The following GRID1 variants were observed in gnomAD, a reference collection of about 807,000 sequenced individuals.
GRID1 encodes the protein glutamate receptor ionotropic, delta-1.
In GRID1, 28 loss-of-function variants were observed where a neutral mutation model predicts 98.0. The ratio of observed to expected loss-of-function variants is 0.29; its 90% CI spans 0.21 to 0.39. GRID1 has a LOEUF of 0.39. GRID1 is among the 10% of genes least tolerant of loss of function. The pLI is 1.00. For missense variants in GRID1, 1,111 were observed against 1,340.5 expected (o/e 0.83, Z 2.67); for synonymous variants, 553 against 538.5 (o/e 1.03, Z -0.37).
intron 4 of GRID1, among the ~76,000 whole-genome samples, chr10:86,045,448 A>T (rs925826132): frequency 2.6e-5 from 4 of 152,200 alleles, no homozygotes; most frequent in African/African-American, 9.7e-5. Context: ...GACAAGCGAG[A>T]CTGCGATTTT....
intron 8 of GRID1, among the ~76,000 whole-genome samples, chr10:85,732,495 G>C (rs908933818): frequency 1.3e-5 from 2 of 152,166 alleles, no homozygotes; most frequent in Admixed American, 6.5e-5. Flanking sequence ...CTTTCTACTG[G>C]GATTATAATC....
At chr10:86,083,223 T>C (rs1157539032) in intron 4 of GRID1, among the ~76,000 whole-genome samples, 5 of 152,230 alleles carry the variant, frequency 3.3e-5, no homozygotes, top group Non-Finnish European at 7.3e-5. Context: ...ATCTAAAGCA[T>C]CACTTATTGG....
chr10:86,124,451 T>C (rs2131961783), intron 4 of GRID1, among the ~76,000 whole-genome samples: 1 of 152,298 alleles, frequency 6.6e-6, no homozygotes, highest in East Asian at 1.9e-4. Flanking sequence ...CAGCAGATCT[T>C]GTTTTGGGGG....
chr10:85,869,854 A>G (rs565908491), intron 5 of GRID1, among the ~76,000 whole-genome samples: 4 of 152,300 alleles, frequency 2.6e-5, no homozygotes, highest in African/African-American at 9.6e-5. Context: ...GACTACAAAA[A>G]GCCCTTTGCT....
intron 2 of GRID1, among the ~76,000 whole-genome samples, chr10:86,268,454 A>G (rs1170954963): frequency 2.0e-5 from 3 of 152,192 alleles, no homozygotes; most frequent in Non-Finnish European, 4.4e-5. Context: ...TGAGCAAGGA[A>G]TCAGTCACTG....
intron 4 of GRID1, among the ~76,000 whole-genome samples, chr10:85,959,937 A>G (rs1842244878): frequency 6.6e-6 from 1 of 151,958 alleles, no homozygotes; most frequent in Non-Finnish European, 1.5e-5. Flanking sequence ...GCTGGAGTGC[A>G]GTGGCACAAT....
intron 2 of GRID1, among the ~76,000 whole-genome samples, chr10:86,314,526 G>A (rs1847873570): frequency 6.6e-6 from 1 of 152,240 alleles, no homozygotes; most frequent in African/African-American, 2.4e-5. Flanking sequence ...GCCTAGCTCA[G>A]AGATGGGCAA....
chr10:85,929,272 TGA>T (rs754814791), intron 4 of GRID1, among the ~76,000 whole-genome samples: 7 of 152,150 alleles, frequency 4.6e-5, no homozygotes, highest in Non-Finnish European at 1.0e-4. Flanking sequence ...CCTTGAATCT[TGA>T]GATAGTGACT....
At chr10:85,789,001 C>T (rs545538768) in intron 8 of GRID1, among the ~76,000 whole-genome samples, 7 of 152,222 alleles carry the variant, frequency 4.6e-5, no homozygotes, top group Admixed American at 2.0e-4. Flanking sequence ...CTAATTTCCC[C>T]CATTTCTTGA....
intron 2 of GRID1, among the ~76,000 whole-genome samples, chr10:86,244,018 A>G (rs1456448165): frequency 2.0e-5 from 3 of 152,306 alleles, no homozygotes; most frequent in Admixed American, 1.3e-4. Context: ...ACATACATGT[A>G]TACATGTATG....
intron 3 of GRID1, among the ~76,000 whole-genome samples, chr10:86,179,651 C>T (rs909595083): frequency 2.0e-5 from 3 of 152,222 alleles, no homozygotes; most frequent in Admixed American, 6.5e-5. Context: ...CAGTGTCCTA[C>T]CCTCTATGGG....
At chr10:85,879,870 G>A (rs12783034) in intron 5 of GRID1, among the ~76,000 whole-genome samples, 8,398 of 151,954 alleles carry the variant, frequency 0.055, 305 homozygotes, top group Non-Finnish European at 0.079. Context: ...TTGATAGACC[G>A]CTAGCAAGAC....
chr10:86,173,118 G>A (rs532176280), intron 3 of GRID1, among the ~76,000 whole-genome samples: 4 of 152,270 alleles, frequency 2.6e-5, no homozygotes, highest in Non-Finnish European at 1.5e-5. Flanking sequence ...TCTCACTACA[G>A]CCTTGATCTC....
chr10:86,066,295 A>G (rs1456447575), intron 4 of GRID1, among the ~76,000 whole-genome samples: 1 of 152,190 alleles, frequency 6.6e-6, no homozygotes, highest in East Asian at 1.9e-4. Context: ...GACTGCACAC[A>G]TCCCACAAGC....
intron 8 of GRID1, among the ~76,000 whole-genome samples, chr10:85,836,434 TG>T (rs1035685074): frequency 3.3e-5 from 5 of 152,018 alleles, no homozygotes; most frequent in Non-Finnish European, 7.4e-5. Context: ...TACTGAGCCC[TG>T]GGATTCATTT....
Position 85,723,098 on chromosome 10 carries a change from C to T in GRID1, c.1902G>A (p.Met634Ile). The change falls in exon 12 of 16, where the codon ATG (methionine) becomes ATA (isoleucine). Residue 634 changes from methionine (M) to isoleucine (I), a missense_variant. This residue lies in a region of GRID1 where 762 missense variants were observed against 869.1 expected (regional missense o/e 0.88). Coordinates refer to ENST00000327946, the MANE Select transcript of GRID1 (RefSeq NM_017551.3). ...SVNSMAMRIV[M>I]GSWWLFTLIV... is the part of the protein sequence containing the mutation. ...TGAGCGTGAAGAGCCACCAGCTGCC[C>T]ATCACGATGCGCATGGCCATGGAGT... The T allele has an allele frequency of 6.2e-7, 1 of 1,611,816 alleles. No homozygotes were observed. The highest frequency in any genetic ancestry group is 8.5e-7 in the Non-Finnish European group (1 of 1,179,006).
At chr10:85,815,383 G>T (rs933369691) in intron 8 of GRID1, among the ~76,000 whole-genome samples, 1 of 151,884 alleles carries the variant, frequency 6.6e-6, no homozygotes, top group African/African-American at 2.4e-5. Context: ...CATATTGGAA[G>T]GCATGTAATA....
chr10:85,942,284 G>A (rs939600062), intron 4 of GRID1, among the ~76,000 whole-genome samples: 2 of 152,262 alleles, frequency 1.3e-5, no homozygotes, highest in East Asian at 3.9e-4. Flanking sequence ...GTCTAGACCT[G>A]CCTCCTACCC....
intron 12 of GRID1, among the ~76,000 whole-genome samples, chr10:85,689,446 G>GAAAAAAAAAAAAAAACAAAAAAAAAAAAA: frequency 6.8e-6 from 1 of 146,634 alleles, no homozygotes; most frequent in Non-Finnish European, 1.5e-5. Context: ...CAAAGAAATG[G>GAAAAAAAAAAAAAAACAAAAAAAAAAAAA]AAAAAAAAAA....
Sources: gnomAD v4.1 joint callset for allele counts (sites outside exome capture counted in the v4.1 genomes callset) on GRCh38, gnomAD v4.1.1 for gene constraint, gnomAD v4.1.1 regional missense constraint, MANE v1.5 for transcripts, NCBI Gene and HGNC (gene_info 2026-07-23, HGNC 2026-07-21) for gene names.